ABCG1: variants seen among roughly 807,000 people sequenced by gnomAD.
ABCG1 encodes the protein ATP-binding cassette sub-family G member 1.
A neutral mutation model predicts 69.2 loss-of-function variants in ABCG1; 29 were observed. That is an observed-to-expected ratio of 0.42 (90% CI 0.31 to 0.57). ABCG1 has a LOEUF of 0.57. ABCG1 is among the 20% of genes least tolerant of loss of function. ABCG1 has a pLI of 0.15. For synonymous variants in ABCG1, 370 were observed against 374.8 expected, an observed-to-expected ratio of 0.99 and a Z score of 0.15; for missense variants, 718 against 898.1, an observed-to-expected ratio of 0.80 and a Z score of 2.56.
At chr21:42,202,163 T>C (rs755120496) in intron 2 of ABCG1, among the ~76,000 whole-genome samples, 2 of 152,182 alleles carry the variant, frequency 1.3e-5, no homozygotes, top group African/African-American at 4.8e-5. Flanking sequence ...TTCCGGTTGG[T>C]CTGCTATTGA....
chr21:42,251,536 G>T (rs550539666), intron 2 of ABCG1, among the ~76,000 whole-genome samples: 2 of 120,078 alleles, frequency 1.7e-5, no homozygotes, highest in Admixed American at 1.7e-4. Context: ...GCAGGACAAG[G>T]TTGGGATGAT....
Position 42,219,201 on chromosome 21 carries a change from C to G in ABCG1, c.-62C>G. ...GAGCCGGGAGCCAGCGCAGCCTCGG[C>G]CCCGCAGCTCAAGCCTCGTCCCCGC... On this transcript the variant is annotated 5_prime_UTR_variant, in exon 1 of 15. Transcript: ENST00000398449. This position sits in a 1 kb window ranked among gnomAD's most constrained non-coding sequence, Gnocchi z 5.3. 2.2e-6 allele frequency: 3 copies of G among 1,391,500 alleles called. No homozygotes were observed. The highest frequency in any genetic ancestry group is 2.8e-6 in the Non-Finnish European group (3 of 1,068,982). 86.2% of individuals were successfully genotyped at this position (1,391,500 alleles called of 1,614,324 possible).
chr21:42,252,174 T>C (rs1363501193), intron 2 of ABCG1, among the ~76,000 whole-genome samples: 1 of 152,186 alleles, frequency 6.6e-6, no homozygotes, highest in Non-Finnish European at 1.5e-5. Context: ...TGTCATTCTT[T>C]CCAGAAATCT....
chr21:42,253,021 C>T lies in ABCG1; in HGVS notation c.287-18049C>T, dbSNP rs74875867. On this transcript the variant is annotated intron_variant, in intron 2 of 14. Transcript: ENST00000398449. The stretch of plus-strand genomic sequence containing the variant: ...CAGGAGAGACTCGCCTTCCCAGTCT[C>T]GGCACGCCTGGATGCCGCATTAGCA... Among the ~76,000 whole-genome samples the T allele has an allele frequency of 6.8e-3, 1,028 of 152,234 alleles. 12 individuals are homozygous for T. The highest frequency in any genetic ancestry group is 0.023 in the African/African-American group (952 of 41,520).
intron 2 of ABCG1, among the ~76,000 whole-genome samples, chr21:42,267,445 AG>A (rs1569227386): frequency 7.8e-4 from 56 of 71,596 alleles, no homozygotes; most frequent in African/African-American, 3.2e-3. Context: ...GTGTGGTCCG[AG>A]TTCTGTCTGG....
At chr21:42,261,282 A>T (rs949291563) in intron 2 of ABCG1, among the ~76,000 whole-genome samples, 4 of 149,956 alleles carry the variant, frequency 2.7e-5, no homozygotes, top group African/African-American at 9.8e-5. Flanking sequence ...GGCATTTGTG[A>T]GGGGATTTCA....
intron 6 of ABCG1, among the ~76,000 whole-genome samples, chr21:42,283,837 TCCCCCCGCCCAGA>T (rs2068873004): frequency 2.6e-5 from 1 of 38,806 alleles, no homozygotes; most frequent in Non-Finnish European, 5.0e-5. Context: ...AGTTGCAAAG[TCCCCCCGCCCAGA>T]TGAGTGGGGA....
chr21:42,280,728 GAGA>G (rs1245787778), intron 5 of ABCG1, among the ~76,000 whole-genome samples: 2 of 152,206 alleles, frequency 1.3e-5, no homozygotes, highest in Non-Finnish European at 2.9e-5. Flanking sequence ...GGTGGAGGGA[GAGA>G]AGAAGATGTG....
intron 2 of ABCG1, chr21:42,259,898 G>T (rs1244469638): frequency 6.3e-5 from 91 of 1,449,850 alleles, no homozygotes; most frequent in South Asian, 1.2e-4. Flanking sequence ...GAGAAAGAAG[G>T]CCCCCAGGCT....
At chr21:42,226,016 CTT>C in intron 2 of ABCG1, 102 bp downstream of exon 2, 2 of 1,360,608 alleles carry the variant, frequency 1.5e-6, no homozygotes, top group Non-Finnish European at 2.0e-6. Context: ...AGAGGCTGAG[CTT>C]CTCTTCCCAA....
chr21:42,289,964 A>G (rs1036638343), intron 10 of ABCG1, 86 bp from the exon 11 acceptor site: 13 of 1,507,782 alleles, frequency 8.6e-6, no homozygotes, highest in Non-Finnish European at 1.2e-5. Context: ...TCAGGGTCCC[A>G]TGCTTCCAAA....
chr21:42,269,026 A>C (rs2068568308), intron 2 of ABCG1, among the ~76,000 whole-genome samples: 1 of 152,114 alleles, frequency 6.6e-6, no homozygotes, highest in Non-Finnish European at 1.5e-5. Flanking sequence ...ACGGAGGGAG[A>C]GAGGCTTCTC....
At chr21:42,280,733 G>A (rs1448462953) in intron 5 of ABCG1, among the ~76,000 whole-genome samples, 2 of 152,186 alleles carry the variant, frequency 1.3e-5, no homozygotes, top group African/African-American at 4.8e-5. Flanking sequence ...AGGGAGAGAA[G>A]AAGATGTGCC....
chr21:42,227,396 C>T (rs193174200), intron 2 of ABCG1, among the ~76,000 whole-genome samples: 6 of 152,264 alleles, frequency 3.9e-5, no homozygotes, highest in East Asian at 1.9e-4. Flanking sequence ...CATGTTTTGG[C>T]GTCGTTTGTC....
In ABCG1 at chr21:42,296,208, G is replaced by A. The variant is rs773460100; in HGVS notation, c.1817G>A (p.Arg606Gln). ...ATCCTCTCCATCTATGGCTTAGACC[G>A]GGAAGATCTGCACTGTGACATCGAC... is the stretch of plus-strand genomic sequence containing the variant. The part of the protein sequence containing the change: ...GVILSIYGLD[R>Q]EDLHCDIDET... The change falls in exon 15 of 15, where the codon CGG becomes CAG. Residue 606 changes from arginine to glutamine, a missense_variant. Transcript: ENST00000398449. The surrounding 1 kb of genome is among the most constrained non-coding windows in gnomAD (Gnocchi z 5.4). The A allele has an allele frequency of 1.3e-5, 21 of 1,613,998 alleles. No individual in the cohort carries two copies. Among genetic ancestry groups the A allele is most frequent in the Non-Finnish European group, 1.8e-5 (21 of 1,180,028 alleles).
intron 2 of ABCG1, among the ~76,000 whole-genome samples, chr21:42,257,119 A>C (rs189873610): frequency 6.6e-6 from 1 of 152,386 alleles, no homozygotes; most frequent in East Asian, 1.9e-4. Context: ...TACCAGATGA[A>C]GAAAACAAAT....
rs1390624385 is a variant in ABCG1, at chr21:42,295,471, A to G, written c.1773-693A>G. 2.0e-5 allele frequency: 3 copies of G among 150,624 alleles called. No homozygotes were observed. The Admixed American group carries it at 2.0e-4, about 10-fold the overall frequency. 9.3% of individuals were successfully genotyped at this position (150,624 alleles called of 1,614,324 possible). ...AGAATGCCCAGTGCCTCAGGTCCTT[A>G]GCTACAACGTTTCGTGCCCTCTGTG... On this transcript the variant is annotated intron_variant, in intron 14 of 14. Transcript: ENST00000398449.
chr21:42,206,291 A>C (rs2067541763), intron 2 of ABCG1, among the ~76,000 whole-genome samples: 1 of 152,120 alleles, frequency 6.6e-6, no homozygotes, highest in Non-Finnish European at 1.5e-5. Flanking sequence ...TGGAGGTTGC[A>C]GTGAGCTGAG....
intron 2 of ABCG1, among the ~76,000 whole-genome samples, chr21:42,248,293 G>A (rs1484440537): frequency 6.6e-6 from 1 of 152,220 alleles, no homozygotes; most frequent in African/African-American, 2.4e-5. Flanking sequence ...TGGTGTGAGA[G>A]TGGAGATGTG....
Sources: allele counts gnomAD v4.1 joint callset (sites outside exome capture counted in the v4.1 genomes callset), GRCh38; gene constraint gnomAD v4.1.1; non-coding constraint Gnocchi (gnomAD v3.1); transcripts MANE v1.5; gene names NCBI Gene and HGNC (gene_info 2026-07-23, HGNC 2026-07-21).